Variants in WDR49 observed in about 807,000 individuals in gnomAD.
WDR49 encodes WD repeat domain 49, also known as cilia- and flagella-associated protein 337.
In WDR49, 107 loss-of-function variants were observed where a neutral mutation model predicts 119.5. That is an observed-to-expected ratio of 0.90 (90% CI 0.77 to 1.05). The LOEUF (loss-of-function observed/expected upper bound fraction) is 1.05. Among genes scored for constraint, WDR49 ranks in the 50% least tolerant of loss-of-function variants. The probability of loss-of-function intolerance (pLI) is 0.00; values close to 1 mark genes in which losing one functional copy is unlikely to be tolerated. For synonymous variants in WDR49, 425 were observed against 418.8 expected (o/e 1.01, Z -0.18); for missense variants, 1,240 against 1,220.5 (o/e 1.02, Z -0.24).
At chr3:167,640,919 T>C (rs1331110253) in intron 2 of WDR49, among the ~76,000 whole-genome samples, 3 of 151,646 alleles carry the variant, frequency 2.0e-5, no homozygotes. Flanking sequence ...GAAGTGTCTG[T>C]GTGTTTCTGA....
intron 15 of WDR49, among the ~76,000 whole-genome samples, chr3:167,523,039 C>A (rs903367441): frequency 2.0e-5 from 3 of 152,196 alleles, no homozygotes; most frequent in Non-Finnish European, 2.9e-5. Flanking sequence ...AATACAGAGC[C>A]AATTTTCTCA....
chr3:167,522,021 G>A (rs1752466354), intron 16 of WDR49, among the ~76,000 whole-genome samples: 1 of 145,388 alleles, frequency 6.9e-6, no homozygotes, highest in East Asian at 2.1e-4. Context: ...TAGATAGATT[G>A]TTTTTGAAGA....
At chr3:167,625,611 C>G (rs1717096703) in intron 3 of WDR49, among the ~76,000 whole-genome samples, 1 of 151,962 alleles carries the variant, frequency 6.6e-6, no homozygotes, top group Non-Finnish European at 1.5e-5. Flanking sequence ...ATATCATCTT[C>G]TGACCCCTAA....
chr3:167,551,952 G>A (rs1285814277), intron 10 of WDR49, among the ~76,000 whole-genome samples: 1 of 151,854 alleles, frequency 6.6e-6, no homozygotes, highest in Non-Finnish European at 1.5e-5. Flanking sequence ...TAAGAGAAAT[G>A]TCCTGGCAGA....
intron 17 of WDR49, among the ~76,000 whole-genome samples, chr3:167,502,238 T>A (rs1338361023): frequency 6.6e-6 from 1 of 152,186 alleles, no homozygotes; most frequent in African/African-American, 2.4e-5. Flanking sequence ...CACCAGAAGG[T>A]GGGCAAATGT....
intron 16 of WDR49, among the ~76,000 whole-genome samples, chr3:167,506,576 G>C (rs1352236547): frequency 6.6e-6 from 1 of 152,014 alleles, no homozygotes; most frequent in Non-Finnish European, 1.5e-5. Context: ...TTTCCTTTTA[G>C]AGGTTTTAGA....
In WDR49 at chr3:167,500,238, A is replaced by G. The variant is rs745334626; in HGVS notation, c.2946T>C (p.Ala982=). The change falls in exon 18 of 19, where the codon GCT becomes GCC. Residue 982 remains alanine (A), a synonymous_variant. Transcript: ENST00000682715. ...AGTATTTCTCAGGGTCTAGAAGGAA[A>G]GCAGGTTTATTCACTTCAGGCAGCT... ...LEELPEVNKP[A]FLLDPEKYFR... 6.2e-7 allele frequency: 1 copy of G among 1,606,616 alleles called. No individual in the cohort carries two copies. The highest frequency in any genetic ancestry group is 1.1e-5 in the South Asian group (1 of 89,412).
At chr3:167,479,521 T>C (rs1750615004) in intron 18 of WDR49, among the ~76,000 whole-genome samples, 4 of 152,334 alleles carry the variant, frequency 2.6e-5, no homozygotes, top group South Asian at 4.1e-4. Flanking sequence ...GTGCCATACA[T>C]TCTAGAAAAT....
At chr3:167,625,630 T>C (rs1462578718) in intron 3 of WDR49, among the ~76,000 whole-genome samples, 2 of 151,986 alleles carry the variant, frequency 1.3e-5, no homozygotes, top group African/African-American at 2.4e-5. Context: ...AAAAAATTCA[T>C]GGATCTAGGA....
At chr3:167,526,721 C>T (rs1752645665) in intron 15 of WDR49, among the ~76,000 whole-genome samples, 1 of 152,140 alleles carries the variant, frequency 6.6e-6, no homozygotes, top group Non-Finnish European at 1.5e-5. Context: ...TTTACCAACA[C>T]CCTCTGCATC....
In WDR49 at chr3:167,556,577, C is replaced by T. The variant is rs934743878; in HGVS notation, c.1675-1779G>A. Reference sequence around the variant, plus strand: ...GTTGGCACATCATGCATAGAGGTCACATTGGTGCTATCAAAATTAAAATGC... The same window carrying T: ...GTTGGCACATCATGCATAGAGGTCATATTGGTGCTATCAAAATTAAAATGC... On this transcript the variant is annotated intron_variant, in intron 9 of 18. Transcript: ENST00000682715. Among the ~76,000 whole-genome samples, 3 of 152,330 alleles carry T rather than the reference C, an allele frequency of 2.0e-5. No homozygotes were observed. In the South Asian group the frequency reaches 6.2e-4, roughly 32 times the overall value.
intron 18 of WDR49, among the ~76,000 whole-genome samples, chr3:167,489,531 A>G (rs1339302481): frequency 5.9e-5 from 9 of 152,132 alleles, no homozygotes. Flanking sequence ...GCTGCCTGAC[A>G]AGGTTTATTA....
chr3:167,496,348 C>T (rs918818462), intron 18 of WDR49, among the ~76,000 whole-genome samples: 2 of 152,092 alleles, frequency 1.3e-5, no homozygotes, highest in Non-Finnish European at 2.9e-5. Flanking sequence ...TTTCTTCATG[C>T]TCCTTCTAGA....
rs781352625 is a variant in WDR49 at position 167,565,458 on chromosome 3, GTA to G, written c.1510-5232_1510-5231del. On this transcript the variant is annotated intron_variant, in intron 8 of 18. Transcript: ENST00000682715. ...TATATATGTAATATAGTGTGTGTGT[GTA>G]TATATATATATGATGTTTGGTGGTA... Among the ~76,000 whole-genome samples the G allele has an allele frequency of 4.3e-4, 65 of 150,880 alleles. No homozygotes were observed. In the South Asian group the frequency reaches 8.6e-3, roughly 20 times the overall value.
intron 18 of WDR49, among the ~76,000 whole-genome samples, chr3:167,484,689 CAAAAA>C (rs11354730): frequency 2.5e-5 from 3 of 119,416 alleles, no homozygotes; most frequent in Non-Finnish European, 3.6e-5. Context: ...AGGATGATGG[CAAAAA>C]AAAAAAAAAA....
In WDR49 at chr3:167,621,035, C is replaced by G. The variant is rs963762299; in HGVS notation, c.783+432G>C. Among the ~76,000 whole-genome samples the G allele has an allele frequency of 7.9e-5, 12 of 152,182 alleles. No individual in the cohort carries two copies. The South Asian group carries it at 1.0e-3, about 13-fold the overall frequency. ...TCTCTAATCCTTTTGTTATATGATA[C>G]AGGCAATGAGCACTCGGTAGGAAAT... On this transcript the variant is annotated intron_variant, in intron 4 of 18. Transcript: ENST00000682715.
At chr3:167,616,823 A>G (rs1281243839) in intron 5 of WDR49, among the ~76,000 whole-genome samples, 2 of 152,250 alleles carry the variant, frequency 1.3e-5, no homozygotes, top group Non-Finnish European at 2.9e-5. Flanking sequence ...AAAATCAGCG[A>G]TAAAGAGAAA....
At chr3:167,561,871 T>A (rs1235798493) in intron 8 of WDR49, among the ~76,000 whole-genome samples, 1 of 152,148 alleles carries the variant, frequency 6.6e-6, no homozygotes, top group African/African-American at 2.4e-5. Flanking sequence ...CATAAGGTCT[T>A]CCTCTATTCC....
At chr3:167,573,538 A>G (rs116400181) in intron 8 of WDR49, among the ~76,000 whole-genome samples, 3,634 of 152,216 alleles carry the variant, frequency 0.024, 102 homozygotes, top group Admixed American at 0.07. Flanking sequence ...TAGCCATAAG[A>G]ACAATGCTGT....
Sources: gnomAD v4.1 joint callset for allele counts (sites outside exome capture counted in the v4.1 genomes callset) on GRCh38, gnomAD v4.1.1 for gene constraint, MANE v1.5 for transcripts, NCBI Gene and HGNC (gene_info 2026-07-23, HGNC 2026-07-21) for gene names.